Variants in FAM178B observed in about 807,000 individuals in gnomAD.
FAM178B encodes family with sequence similarity 178 member B, also known as protein FAM178B.
FAM178B carries 82 observed loss-of-function variants against 91.7 expected under a neutral mutation model. The ratio of observed to expected loss-of-function variants is 0.89; its 90% confidence interval spans 0.75 to 1.07. The LOEUF is 1.07. Among genes scored for constraint, FAM178B ranks in the 50% least tolerant of loss-of-function variants. The probability of loss-of-function intolerance (pLI) is 0.00; values close to 1 mark genes in which losing one functional copy is unlikely to be tolerated. For missense variants in FAM178B, 769 were observed against 846.7 expected, an observed-to-expected ratio of 0.91 and a Z score of 1.14; for synonymous variants, 368 against 359.4, an observed-to-expected ratio of 1.02 and a Z score of -0.27.
chr2:96,976,372 C>T (rs1395781280), intron 1 of FAM178B, among the ~76,000 whole-genome samples: 8 of 151,426 alleles, frequency 5.3e-5, no homozygotes, highest in African/African-American at 1.7e-4. Context: ...GGATTACAGG[C>T]GTGAGCCACC....
chr2:96,940,102 A>G (rs2081701502), intron 8 of FAM178B, among the ~76,000 whole-genome samples: 1 of 152,090 alleles, frequency 6.6e-6, no homozygotes, highest in Non-Finnish European at 1.5e-5. Context: ...TTGGGTCTAG[A>G]CAACATTCTC....
chr2:96,964,951 C>T (rs1282317429), intron 5 of FAM178B, among the ~76,000 whole-genome samples: 1 of 152,148 alleles, frequency 6.6e-6, no homozygotes, highest in East Asian at 1.9e-4. Flanking sequence ...CCTTGGGCCC[C>T]TGCTGTTCTC....
rs888361090 is a variant in FAM178B at position 96,972,054 on chromosome 2, C to G, written c.411G>C (p.Val137=). The G allele has an allele frequency of 2.6e-5, 41 of 1,548,678 alleles. No homozygotes were observed. The highest frequency in any genetic ancestry group is 3.5e-5 in the Non-Finnish European group (40 of 1,145,996). Residue 137 remains valine, a synonymous_variant, in exon 3 of 17, where the codon GTG becomes GTC. Transcript: ENST00000490605. ...REAPAQRWVG[V]VGPQGLRRLA... ...GTCTCCTCAGGCCCTGGGGGCCCAC[C>G]ACACCCACCCACCTCTGGGCCGGGG...
At chr2:96,895,684 A>C (rs1403523900) in intron 13 of FAM178B, among the ~76,000 whole-genome samples, 1 of 152,224 alleles carries the variant, frequency 6.6e-6, no homozygotes, top group Non-Finnish European at 1.5e-5. Flanking sequence ...AAGTGGGAGC[A>C]GATCCAGGGT....
chr2:96,910,969 T>C (rs2081144471), intron 12 of FAM178B, among the ~76,000 whole-genome samples: 3 of 152,086 alleles, frequency 2.0e-5, no homozygotes. Context: ...GGTTTCACCA[T>C]GTTGGCCAGG....
intron 8 of FAM178B, among the ~76,000 whole-genome samples, chr2:96,936,166 C>T (rs929993626): frequency 1.3e-5 from 2 of 151,894 alleles, no homozygotes; most frequent in Non-Finnish European, 2.9e-5. Context: ...AAAAAAAATA[C>T]AACAACAAAA....
At chr2:96,909,586 A>G (rs2081116964) in intron 12 of FAM178B, among the ~76,000 whole-genome samples, 1 of 152,102 alleles carries the variant, frequency 6.6e-6, no homozygotes, top group Non-Finnish European at 1.5e-5. Context: ...TTCAAGTGCG[A>G]CACTCGGAGT....
At chr2:96,969,755 C>G (rs920799899) in intron 4 of FAM178B, among the ~76,000 whole-genome samples, 1 of 152,208 alleles carries the variant, frequency 6.6e-6, no homozygotes, top group East Asian at 1.9e-4. Flanking sequence ...CACAAGTTCC[C>G]GGGTCGGAGG....
chr2:96,902,076 A>C (rs1280920864), intron 13 of FAM178B, among the ~76,000 whole-genome samples: 1 of 151,430 alleles, frequency 6.6e-6, no homozygotes, highest in Non-Finnish European at 1.5e-5. Flanking sequence ...CTGGGATTAT[A>C]GGTGTGAGCT....
intron 14 of FAM178B, among the ~76,000 whole-genome samples, chr2:96,893,074 T>A (rs539790479): frequency 6.6e-6 from 1 of 152,352 alleles, no homozygotes; most frequent in South Asian, 2.1e-4. Context: ...TTCATTTATC[T>A]GATTTGCAGA....
intron 8 of FAM178B, among the ~76,000 whole-genome samples, chr2:96,930,210 C>CAAAAAAAAAAAAAAAAAAAAAAAA (rs60102987): frequency 2.5e-5 from 1 of 39,460 alleles, no homozygotes; most frequent in African/African-American, 1.4e-4. Context: ...TCCGTCTCTC[C>CAAAAAAAAAAAAAAAAAAAAAAAA]AAAAAAAAAA....
intron 12 of FAM178B, among the ~76,000 whole-genome samples, chr2:96,911,407 C>G (rs2081155045): frequency 6.6e-6 from 1 of 152,178 alleles, no homozygotes; most frequent in African/African-American, 2.4e-5. Context: ...AAATGATCAT[C>G]TTGAGTTGGG....
chr2:96,918,783 C>T (rs568237605), intron 12 of FAM178B, among the ~76,000 whole-genome samples: 27 of 152,226 alleles, frequency 1.8e-4, no homozygotes, highest in Non-Finnish European at 3.8e-4. Context: ...GTCAGACAGC[C>T]CAGTGCTGCG....
At chr2:96,949,196 GA>G (rs1484509307) in intron 7 of FAM178B, among the ~76,000 whole-genome samples, 1 of 152,192 alleles carries the variant, frequency 6.6e-6, no homozygotes, top group East Asian at 1.9e-4. Context: ...GAGTACACGG[GA>G]TCGAGTCCCT....
chr2:96,930,438 C>T (rs538989634), intron 8 of FAM178B, among the ~76,000 whole-genome samples: 2 of 152,296 alleles, frequency 1.3e-5, no homozygotes, highest in East Asian at 3.9e-4. Context: ...TGAGCTCCCA[C>T]ACCTCATCCA....
chr2:96,902,866 C>G (rs1468518415), intron 12 of FAM178B, among the ~76,000 whole-genome samples, 159 bp from the exon 13 acceptor site: 2 of 152,290 alleles, frequency 1.3e-5, no homozygotes, highest in South Asian at 4.1e-4. Context: ...ATTATGTATT[C>G]TAGGAGGAAT....
chr2:96,898,946 G>A (rs965624028), intron 13 of FAM178B, among the ~76,000 whole-genome samples: 24 of 152,242 alleles, frequency 1.6e-4, no homozygotes, highest in Non-Finnish European at 2.9e-4. Flanking sequence ...GGCAAGCCCC[G>A]TGGAGGAGAC....
At chr2:96,911,842 G>C (rs2081164461) in intron 12 of FAM178B, among the ~76,000 whole-genome samples, 2 of 152,270 alleles carry the variant, frequency 1.3e-5, no homozygotes, top group Non-Finnish European at 1.5e-5. Context: ...ATGGAGCCAT[G>C]GAAGACAGGG....
chr2:96,947,919 A>G lies in FAM178B; in HGVS notation c.994-17T>C. ...TGTCAGCAGCTAGGTGGAAAAAAAA[A>G]ACAAAAACAAAAACCTGGTGAGCTG... On this transcript the variant is annotated splice_polypyrimidine_tract_variant and intron_variant, in intron 7 of 16. Transcript: ENST00000490605. The G allele has an allele frequency of 1.4e-6, 2 of 1,385,540 alleles. No homozygotes were observed. Among genetic ancestry groups the G allele is most frequent in the Non-Finnish European group, 2.0e-6 (2 of 1,004,024 alleles). The allele number at this position is 1,385,540 out of a possible 1,614,324, so 85.8% of individuals were successfully genotyped here.
Sources: allele counts gnomAD v4.1 joint callset (sites outside exome capture counted in the v4.1 genomes callset), GRCh38; gene constraint gnomAD v4.1.1; transcripts MANE v1.5; gene names NCBI Gene and HGNC (gene_info 2026-07-23, HGNC 2026-07-21).